The following CDK14 variants were observed in gnomAD, a reference collection of about 807,000 sequenced individuals.
CDK14 encodes the protein cyclin dependent kinase 14.
In CDK14, 34 loss-of-function variants were observed where a neutral mutation model predicts 60.7. The ratio of observed to expected loss-of-function variants is 0.56; its 90% confidence interval spans 0.43 to 0.75. CDK14 has a LOEUF of 0.75. CDK14 is among the 30% of genes least tolerant of loss of function. The probability of loss-of-function intolerance (pLI) is 0.00; values close to 1 mark genes in which losing one functional copy is unlikely to be tolerated. For missense variants in CDK14, 482 were observed against 564.1 expected (o/e 0.85, Z 1.47); for synonymous variants, 197 against 203.7 (o/e 0.97, Z 0.28).
At position 91,079,372 on chromosome 7, in the gene CDK14, A is replaced by G; in HGVS notation, c.1106-60A>G. On this transcript the variant is annotated intron_variant, in intron 11 of 14. Coordinates refer to ENST00000380050, the MANE Select transcript of CDK14 (RefSeq NM_001287135.2). ...TTTTTAAAGTTGAAGTTTTTTCAAC[A>G]TACTTGTAATATATACATTTGATAC... 3 of 1,164,254 alleles carry G rather than the reference A, an allele frequency of 2.6e-6. No individual in the cohort carries two copies. In the East Asian group the frequency reaches 7.2e-5, roughly 28 times the overall value. 72.1% of individuals were successfully genotyped at this position (1,164,254 alleles called of 1,614,324 possible). A position where few individuals can be genotyped will look rare whatever the true frequency, so the allele number is the denominator to read the frequency against.
chr7:91,152,716 ATAGGT>A (rs1800859529), intron 14 of CDK14, among the ~76,000 whole-genome samples: 1 of 152,212 alleles, frequency 6.6e-6, no homozygotes. Context: ...TAAAGTTGAT[ATAGGT>A]AGGAAGTGCT....
At chr7:90,971,152 GGTTTT>G (rs1794916431) in intron 9 of CDK14, among the ~76,000 whole-genome samples, 3 of 47,498 alleles carry the variant, frequency 6.3e-5, no homozygotes, top group Admixed American at 5.1e-4. Flanking sequence ...GAGAACATGT[GGTTTT>G]TTTTTTTTTG....
At chr7:90,806,344 A>G (rs1584909686) in intron 5 of CDK14, among the ~76,000 whole-genome samples, 1 of 152,224 alleles carries the variant, frequency 6.6e-6, no homozygotes, top group African/African-American at 2.4e-5. Context: ...AAATTGGTAG[A>G]AAATATTTCC....
At chr7:90,867,389 C>G (rs1358512276) in intron 6 of CDK14, among the ~76,000 whole-genome samples, 2 of 151,994 alleles carry the variant, frequency 1.3e-5, no homozygotes, top group Non-Finnish European at 2.9e-5. Context: ...AAATAAGTGC[C>G]GCATTAACCT....
chr7:90,855,483 A>G (rs1329163381), intron 5 of CDK14, among the ~76,000 whole-genome samples: 1 of 152,206 alleles, frequency 6.6e-6, no homozygotes, highest in East Asian at 1.9e-4. Context: ...TATCATAAAC[A>G]ATTCAAATGA....
intron 5 of CDK14, among the ~76,000 whole-genome samples, chr7:90,805,801 T>A (rs1788804150): frequency 6.6e-6 from 1 of 152,124 alleles, no homozygotes; most frequent in South Asian, 2.1e-4. Flanking sequence ...ATTTCATATA[T>A]TACATTATAT....
intron 6 of CDK14, among the ~76,000 whole-genome samples, chr7:90,898,274 T>C (rs1405275476): frequency 1.3e-5 from 2 of 152,102 alleles, no homozygotes; most frequent in Non-Finnish European, 2.9e-5. Flanking sequence ...GTGTTGTGCC[T>C]GGAACATATG....
intron 7 of CDK14, among the ~76,000 whole-genome samples, chr7:90,909,183 A>G (rs1478890280): frequency 6.6e-6 from 1 of 152,202 alleles, no homozygotes; most frequent in Non-Finnish European, 1.5e-5. Flanking sequence ...CTATTTCTGT[A>G]TAGTTCAGAA....
At chr7:90,658,712 G>T (rs149474046) in intron 2 of CDK14, among the ~76,000 whole-genome samples, 10 of 152,178 alleles carry the variant, frequency 6.6e-5, no homozygotes, top group Non-Finnish European at 1.5e-4. Context: ...CTGGAGATAT[G>T]GGTTGTTATC....
intron 14 of CDK14, among the ~76,000 whole-genome samples, chr7:91,126,339 C>T (rs1584098090): frequency 6.6e-6 from 1 of 152,246 alleles, no homozygotes; most frequent in East Asian, 1.9e-4. Context: ...GCCATACCAA[C>T]CTCCACCATA....
chr7:90,961,639 C>T (rs1284086648), intron 9 of CDK14, among the ~76,000 whole-genome samples: 1 of 152,194 alleles, frequency 6.6e-6, no homozygotes, highest in South Asian at 2.1e-4. Context: ...AAATGTAACA[C>T]CTCTTTAAGA....
intron 5 of CDK14, among the ~76,000 whole-genome samples, chr7:90,836,719 AC>A (rs1407190739): frequency 2.6e-5 from 4 of 152,208 alleles, no homozygotes; most frequent in African/African-American, 9.7e-5. Context: ...TGTCTATGCA[AC>A]CCTTTTATAC....
chr7:91,141,800 T>G (rs933793646), intron 14 of CDK14, among the ~76,000 whole-genome samples: 1 of 28,126 alleles, frequency 3.6e-5, no homozygotes, highest in African/African-American at 8.8e-5. Flanking sequence ...ACAGTGGGTT[T>G]TGTTGTTGTT....
In CDK14 at chr7:90,763,387, A is replaced by G. The variant is rs139600828; in HGVS notation, c.464+15612A>G. Among the ~76,000 whole-genome samples the G allele has an allele frequency of 2.7e-3, 411 of 152,244 alleles. 3 individuals carry two copies. The highest frequency in any genetic ancestry group is 7.1e-3 in the African/African-American group (296 of 41,538). On this transcript the variant is annotated intron_variant, in intron 4 of 14. Coordinates refer to ENST00000380050, the MANE Select transcript of CDK14 (RefSeq NM_001287135.2). ...TTCACCTACTCTTGATCAAGTGTTC[A>G]AAGAGACCAGATCCAAGCGTAGGGG...
chr7:91,081,403 T>C (rs1057369357), intron 12 of CDK14, among the ~76,000 whole-genome samples: 9 of 152,350 alleles, frequency 5.9e-5, no homozygotes, highest in African/African-American at 2.2e-4. Flanking sequence ...AAGCAACTGT[T>C]AAATTCTCTT....
chr7:91,077,223 A>G (rs561853003), intron 11 of CDK14, among the ~76,000 whole-genome samples: 115 of 152,350 alleles, frequency 7.5e-4, no homozygotes, highest in African/African-American at 2.7e-3. Context: ...ACTATTTACA[A>G]TAGCAAAGAC....
chr7:91,023,485 G>T (rs1336327064), intron 10 of CDK14, among the ~76,000 whole-genome samples: 3 of 152,148 alleles, frequency 2.0e-5, no homozygotes, highest in Admixed American at 2.0e-4. Context: ...CTACAGAATA[G>T]ATTACTAAGA....
intron 6 of CDK14, among the ~76,000 whole-genome samples, chr7:90,865,084 C>T (rs1238316787): frequency 6.6e-6 from 1 of 152,122 alleles, no homozygotes; most frequent in Admixed American, 6.5e-5. Context: ...TGCTTCTTTG[C>T]CTTTTTCCTT....
At chr7:90,766,769 A>G (rs894725776) in intron 4 of CDK14, among the ~76,000 whole-genome samples, 6 of 152,174 alleles carry the variant, frequency 3.9e-5, no homozygotes, top group African/African-American at 1.4e-4. Context: ...TCGGGGGGCC[A>G]TAGGCAGGGG....
Sources: allele counts gnomAD v4.1 joint callset (sites outside exome capture counted in the v4.1 genomes callset), GRCh38; gene constraint gnomAD v4.1.1; transcripts MANE v1.5; gene names NCBI Gene and HGNC (gene_info 2026-07-23, HGNC 2026-07-21).